NRF1: variants seen among roughly 807,000 people sequenced by gnomAD.
NRF1 encodes alpha palindromic-binding protein.
Under a neutral mutation model 58.5 loss-of-function variants are expected in NRF1, and 5 were observed. The ratio of observed to expected loss-of-function variants is 0.09; its 90% CI spans 0.04 to 0.18. The LOEUF is 0.18. Among genes scored for constraint, NRF1 ranks in the 10% least tolerant of loss-of-function variants. The probability of loss-of-function intolerance (pLI) is 1.00; values close to 1 mark genes in which losing one functional copy is unlikely to be tolerated. For missense variants in NRF1, 288 were observed against 657.7 expected (o/e 0.44, Z 6.15); for synonymous variants, 224 against 246.7 (o/e 0.91, Z 0.86).
At chr7:129,709,910 A>T (rs1394502031) in intron 6 of NRF1, among the ~76,000 whole-genome samples, 1 of 151,634 alleles carries the variant, frequency 6.6e-6, no homozygotes, top group African/African-American at 2.4e-5. Flanking sequence ...TTGTATTTTC[A>T]GTAGAGATGG....
intron 5 of NRF1, among the ~76,000 whole-genome samples, chr7:129,693,556 C>T (rs755628096): frequency 2.0e-5 from 3 of 150,942 alleles, no homozygotes; most frequent in Non-Finnish European, 3.0e-5. Context: ...TTTTTTTCTT[C>T]AGCTCATTGG....
At chr7:129,644,397 A>G (rs1428477800) in intron 1 of NRF1, among the ~76,000 whole-genome samples, 1 of 86 alleles carries the variant, frequency 0.012, no homozygotes, top group African/African-American at 0.042. Flanking sequence ...ATCACAAGGG[A>G]CAAATGGCCT....
intron 10 of NRF1, among the ~76,000 whole-genome samples, chr7:129,740,342 T>G (rs1803818195): frequency 6.6e-6 from 1 of 152,206 alleles, no homozygotes; most frequent in Admixed American, 6.5e-5. Context: ...GATTAATCAC[T>G]CACACCGAAT....
chr7:129,690,558 G>C lies in NRF1; in HGVS notation c.606+12G>C, dbSNP rs1490047310. On this transcript the variant is annotated intron_variant, in intron 5 of 10. Transcript: ENST00000393232. ...ACAAAATGACCCAGGTGAGGGGTGG[G>C]AGGTGAGGAGGAGACTCAAAGACAA... The C allele has an allele frequency of 6.2e-7, 1 of 1,613,990 alleles. No homozygotes were observed. Among genetic ancestry groups the C allele is most frequent in the East Asian group, 2.2e-5 (1 of 44,880 alleles).
chr7:129,754,886 G>T, intron 10 of NRF1, 132 bp from the exon 11 acceptor site: 1 of 765,434 alleles, frequency 1.3e-6, no homozygotes. Flanking sequence ...TTTGTGCCTG[G>T]GCCATGGGTA....
chr7:129,657,628 G>A (rs1189304275), intron 2 of NRF1, 54 bp downstream of exon 2: 2 of 765,514 alleles, frequency 2.6e-6, no homozygotes, highest in Non-Finnish European at 4.0e-6. Context: ...TTTTTTTTTG[G>A]AGACAGCGTC....
At position 129,654,117 on chromosome 7, in the gene NRF1, A is replaced by G. The variant is rs1259620614; in HGVS notation, c.-6-3229A>G. Among the ~76,000 whole-genome samples the G allele has an allele frequency of 2.6e-5, 4 of 152,344 alleles. No individual in the cohort carries two copies. The East Asian group carries it at 7.7e-4, about 29-fold the overall frequency. On this transcript the variant is annotated intron_variant, in intron 1 of 10. Coordinates refer to ENST00000393232, the MANE Select transcript of NRF1 (RefSeq NM_005011.5). ...AGTGAAATAGAGTTCCTGTTGCTCC[A>G]CATCCTCAACAGCGTTTGGTGTTGG...
At chr7:129,675,257 C>G (rs1584630502) in intron 3 of NRF1, among the ~76,000 whole-genome samples, 2 of 152,322 alleles carry the variant, frequency 1.3e-5, no homozygotes, top group Non-Finnish European at 2.9e-5. Context: ...TCTACTGCAT[C>G]CGCAGTTACT....
chr7:129,667,743 ATTTAT>A, intron 2 of NRF1, among the ~76,000 whole-genome samples: 1 of 634 alleles, frequency 1.6e-3, no homozygotes, highest in African/African-American at 2.3e-3. Flanking sequence ...TTTTAAAGGT[ATTTAT>A]TTATTTATTT....
intron 10 of NRF1, among the ~76,000 whole-genome samples, chr7:129,731,611 CTTGT>C (rs71167211): frequency 0.017 from 2,578 of 149,800 alleles, 45 homozygotes; most frequent in African/African-American, 0.044. Flanking sequence ...CCTTCCTTTA[CTTGT>C]TTGTTTGTTT....
chr7:129,741,417 T>C lies in NRF1; in HGVS notation c.1349-13601T>C, dbSNP rs1424700281. On this transcript the variant is annotated intron_variant, in intron 10 of 10. Coordinates refer to ENST00000393232, the MANE Select transcript of NRF1 (RefSeq NM_005011.5). This position sits in a 1 kb window ranked among gnomAD's most constrained non-coding sequence, Gnocchi z 4.0. Reference sequence around the variant, plus strand: ...AAAGGCAGATTTTGGTCTTAGATTATTCCAGCTCCTTATAAACCAAGACTG... The same window carrying C: ...AAAGGCAGATTTTGGTCTTAGATTACTCCAGCTCCTTATAAACCAAGACTG... Among the ~76,000 whole-genome samples the C allele has an allele frequency of 6.6e-6, 1 of 152,214 alleles. No homozygotes were observed. Among genetic ancestry groups the C allele is most frequent in the Non-Finnish European group, 1.5e-5 (1 of 68,046 alleles).
chr7:129,687,098 ACATT>A (rs1802459149), intron 4 of NRF1, among the ~76,000 whole-genome samples: 3 of 152,200 alleles, frequency 2.0e-5, no homozygotes, highest in African/African-American at 2.4e-5. Context: ...AAACTTCTTC[ACATT>A]CAGAGTCCAA....
chr7:129,734,482 C>T (rs1434812606), intron 10 of NRF1, among the ~76,000 whole-genome samples: 1 of 152,210 alleles, frequency 6.6e-6, no homozygotes, highest in Non-Finnish European at 1.5e-5. Context: ...CCACCCCTGC[C>T]AGAGGCTGCT....
At chr7:129,689,643 T>C (rs559059047) in intron 4 of NRF1, among the ~76,000 whole-genome samples, 1 of 152,344 alleles carries the variant, frequency 6.6e-6, no homozygotes, top group South Asian at 2.1e-4. Flanking sequence ...GCATGTCCAG[T>C]GTGTTACTGT....
chr7:129,633,225 A>T (rs1462854073), intron 1 of NRF1, among the ~76,000 whole-genome samples: 1 of 152,140 alleles, frequency 6.6e-6, no homozygotes, highest in African/African-American at 2.4e-5. Flanking sequence ...TAGTAAACAA[A>T]TTTTCCAGAT....
chr7:129,711,331 G>T, intron 7 of NRF1, 144 bp from the exon 8 acceptor site: 1 of 578,444 alleles, frequency 1.7e-6, no homozygotes, highest in South Asian at 2.5e-5. Flanking sequence ...TGATTTTAGT[G>T]AGCTATGATT....
At chr7:129,667,007 A>G (rs1048865508) in intron 2 of NRF1, among the ~76,000 whole-genome samples, 3 of 152,158 alleles carry the variant, frequency 2.0e-5, no homozygotes, top group African/African-American at 7.2e-5. Flanking sequence ...ATACTCTGTG[A>G]TATGTTCTAG....
chr7:129,709,032 G>A, intron 5 of NRF1, 43 bp from the exon 6 acceptor site: 1 of 1,389,028 alleles, frequency 7.2e-7, no homozygotes, highest in Non-Finnish European at 9.5e-7. Flanking sequence ...ACACACCCCA[G>A]ATGTCTTTCA....
At chr7:129,718,155 A>G (rs1803234324) in intron 9 of NRF1, among the ~76,000 whole-genome samples, 2 of 152,196 alleles carry the variant, frequency 1.3e-5, no homozygotes, top group African/African-American at 4.8e-5. Context: ...TTGACAGGAA[A>G]GATCAGCTTC....
Sources: allele counts gnomAD v4.1 joint callset (sites outside exome capture counted in the v4.1 genomes callset), GRCh38; gene constraint gnomAD v4.1.1; non-coding constraint Gnocchi (gnomAD v3.1); transcripts MANE v1.5; gene names NCBI Gene and HGNC (gene_info 2026-07-23, HGNC 2026-07-21).